Variants in SGCZ observed in about 807,000 individuals in gnomAD.
SGCZ encodes zeta-sarcoglycan.
In SGCZ, 40 loss-of-function variants were observed where a neutral mutation model predicts 41.3. That is an observed-to-expected ratio of 0.97 (90% CI 0.75 to 1.26). SGCZ has a LOEUF of 1.26. SGCZ is among the 50% of genes most tolerant of loss of function. SGCZ has a pLI of 0.00. For synonymous variants in SGCZ, 206 were observed against 137.5 expected (o/e 1.50, Z -3.49); for missense variants, 552 against 369.8 (o/e 1.49, Z -4.04).
intron 1 of SGCZ, among the ~76,000 whole-genome samples, chr8:14,828,028 C>T (rs1802395966): frequency 1.3e-5 from 2 of 152,122 alleles, no homozygotes; most frequent in Admixed American, 1.3e-4. Context: ...GACAGGACCT[C>T]AACTGAAACA....
intron 4 of SGCZ, among the ~76,000 whole-genome samples, chr8:14,195,628 T>C (rs920507050): frequency 2.6e-5 from 4 of 152,158 alleles, no homozygotes; most frequent in African/African-American, 9.6e-5. Flanking sequence ...AAATCAGTGA[T>C]GGAGTCAAAA....
intron 1 of SGCZ, among the ~76,000 whole-genome samples, chr8:15,003,435 T>G (rs1563427542): frequency 6.6e-6 from 1 of 152,154 alleles, no homozygotes; most frequent in Admixed American, 6.5e-5. Context: ...CAGAAATGAC[T>G]GATAGTTACG....
chr8:14,372,305 C>T (rs1037415851), intron 2 of SGCZ, among the ~76,000 whole-genome samples: 1 of 152,086 alleles, frequency 6.6e-6, no homozygotes, highest in Admixed American at 6.5e-5. Flanking sequence ...AATGTGTATA[C>T]CCAACCAACA....
intron 3 of SGCZ, among the ~76,000 whole-genome samples, chr8:14,258,477 A>G (rs11985534): frequency 0.013 from 2,042 of 152,316 alleles, 59 homozygotes; most frequent in African/African-American, 0.045. Context: ...AGAAATTCAC[A>G]TGACATTCTG....
intron 2 of SGCZ, among the ~76,000 whole-genome samples, chr8:14,405,745 G>A (rs9657235): frequency 0.23 from 35,569 of 152,074 alleles, 4,322 homozygotes; most frequent in Non-Finnish European, 0.29. Context: ...ACACAGCTGT[G>A]ATGTATGTCA....
intron 1 of SGCZ, among the ~76,000 whole-genome samples, chr8:14,702,984 G>A (rs530938499): frequency 6.6e-6 from 1 of 151,808 alleles, no homozygotes; most frequent in Non-Finnish European, 1.5e-5. Context: ...CAGACAGACA[G>A]ACAGATAGAT....
intron 2 of SGCZ, among the ~76,000 whole-genome samples, chr8:14,461,099 G>C (rs1264566621): frequency 6.6e-6 from 1 of 152,110 alleles, no homozygotes; most frequent in Non-Finnish European, 1.5e-5. Context: ...TGGTGATTCA[G>C]AATGCTATCC....
chr8:14,823,011 G>A (rs559533975), intron 1 of SGCZ, among the ~76,000 whole-genome samples: 109 of 136,756 alleles, frequency 8.0e-4, no homozygotes, highest in African/African-American at 2.8e-3. Flanking sequence ...CCAAGATCGC[G>A]CCACTGCACT....
chr8:14,256,131 C>A (rs1799457503), intron 3 of SGCZ, among the ~76,000 whole-genome samples: 1 of 152,088 alleles, frequency 6.6e-6, no homozygotes, highest in African/African-American at 2.4e-5. Flanking sequence ...TGATAGATGG[C>A]AGAAGCATAT....
chr8:14,986,112 T>C (rs1256287065), intron 1 of SGCZ, among the ~76,000 whole-genome samples: 2 of 152,130 alleles, frequency 1.3e-5, no homozygotes, highest in Non-Finnish European at 2.9e-5. Flanking sequence ...ATTTTTAAGT[T>C]TGATATTATG....
rs551626674 is a variant in SGCZ at position 14,976,499 on chromosome 8, CA to C, written c.39+261085del. On this transcript the variant is annotated intron_variant, in intron 1 of 7. Transcript: ENST00000382080. ...TTTTTAACTTGTTAGATGTATTTTA[CA>C]AGTTGCTTTGTTGCTTATAAATACA... is the stretch of plus-strand genomic sequence containing the variant. Among the ~76,000 whole-genome samples the C allele has an allele frequency of 1.5e-3, 223 of 152,144 alleles. 3 individuals are homozygous for C. The highest frequency in any genetic ancestry group is 0.014 in the Admixed American group (209 of 15,280).
At chr8:14,516,672 TCTAA>T (rs1216735471) in intron 2 of SGCZ, among the ~76,000 whole-genome samples, 2 of 152,182 alleles carry the variant, frequency 1.3e-5, no homozygotes, top group East Asian at 1.9e-4. Context: ...GTTGATTTGC[TCTAA>T]CTGTTTTTCA....
At chr8:14,446,398 G>T (rs1800433132) in intron 2 of SGCZ, among the ~76,000 whole-genome samples, 1 of 151,952 alleles carries the variant, frequency 6.6e-6, no homozygotes, top group Admixed American at 6.6e-5. Flanking sequence ...TCTCTTTGTG[G>T]GTCTGATATA....
intron 5 of SGCZ, among the ~76,000 whole-genome samples, chr8:14,150,027 A>G (rs1037735678): frequency 6.6e-6 from 1 of 152,176 alleles, no homozygotes; most frequent in African/African-American, 2.4e-5. Context: ...AAACAAATCA[A>G]AATGGATTAA....
chr8:14,343,619 G>T (rs1250227551), intron 2 of SGCZ, among the ~76,000 whole-genome samples: 1 of 152,146 alleles, frequency 6.6e-6, no homozygotes, highest in Non-Finnish European at 1.5e-5. Flanking sequence ...CTCAGTCAGG[G>T]GAAGGGGTTC....
chr8:14,702,754 T>C (rs1809182354), intron 1 of SGCZ, among the ~76,000 whole-genome samples: 1 of 130,084 alleles, frequency 7.7e-6, no homozygotes, highest in Admixed American at 7.7e-5. Flanking sequence ...GATAGATAGA[T>C]AGATAGATAG....
chr8:14,827,278 C>A (rs1282031248), intron 1 of SGCZ, among the ~76,000 whole-genome samples: 1 of 149,314 alleles, frequency 6.7e-6, no homozygotes, highest in African/African-American at 2.5e-5. Context: ...ACTCTGTCAC[C>A]CAGGCTGGAG....
At chr8:14,653,209 C>T (rs989615475) in intron 1 of SGCZ, among the ~76,000 whole-genome samples, 2 of 151,916 alleles carry the variant, frequency 1.3e-5, no homozygotes, top group African/African-American at 2.4e-5. Flanking sequence ...TAACTAGTTC[C>T]GACCAAAGCA....
rs191234396 is a variant in SGCZ, at chr8:14,494,038, C to T, written c.234+60694G>A. ...AATAACCAAGCAATAATGTACTACC[C>T]ATTCATCTCTTAAAAACAGGGTTAA... On this transcript the variant is annotated intron_variant, in intron 2 of 7. Transcript: ENST00000382080. Among the ~76,000 whole-genome samples, 284 of 152,236 alleles carry T rather than the reference C, an allele frequency of 1.9e-3. 1 individual carries two copies. The highest frequency in any genetic ancestry group is 6.2e-3 in the African/African-American group (258 of 41,542).
Sources: gnomAD v4.1 joint callset for allele counts (sites outside exome capture counted in the v4.1 genomes callset) on GRCh38, gnomAD v4.1.1 for gene constraint, MANE v1.5 for transcripts, NCBI Gene and HGNC (gene_info 2026-07-23, HGNC 2026-07-21) for gene names.